SLC44A5: variants seen among roughly 807,000 people sequenced by gnomAD.
SLC44A5 encodes the protein solute carrier family 44 member 5, also known as choline transporter-like protein 5.
SLC44A5 carries 57 observed loss-of-function variants against 101.8 expected under a neutral mutation model. The observed-to-expected ratio is 0.56, with a 90% CI of 0.45 to 0.70. The LOEUF (loss-of-function observed/expected upper bound fraction) is 0.70, where lower values mean the gene tolerates loss of function less well. Among genes scored for constraint, SLC44A5 ranks in the 30% least tolerant of loss-of-function variants. The pLI is 0.00. For missense variants in SLC44A5, 737 were observed against 853.1 expected, an observed-to-expected ratio of 0.86 and a Z score of 1.70; for synonymous variants, 281 against 290.9, an observed-to-expected ratio of 0.97 and a Z score of 0.35.
intron 1 of SLC44A5, among the ~76,000 whole-genome samples, chr1:75,560,460 A>G (rs1210485648): frequency 6.6e-6 from 1 of 152,154 alleles, no homozygotes; most frequent in African/African-American, 2.4e-5. Context: ...ACTGCTAATG[A>G]GTTTTGGGTT....
intron 2 of SLC44A5, among the ~76,000 whole-genome samples, chr1:75,420,838 G>C (rs1858631): frequency 0.098 from 14,958 of 152,054 alleles, 909 homozygotes; most frequent in Admixed American, 0.19. Flanking sequence ...ATTACTCTCT[G>C]TCAAGTGAAA....
At chr1:75,443,783 T>C (rs2101634145) in intron 2 of SLC44A5, among the ~76,000 whole-genome samples, 2 of 151,950 alleles carry the variant, frequency 1.3e-5, no homozygotes, top group Middle Eastern at 6.8e-3. Flanking sequence ...AACTTCAGCC[T>C]TTCCCAATCA....
In SLC44A5 at chr1:75,275,057, A is replaced by G; in HGVS notation, c.176-15T>C. ...ATGTACCCAGGCTGCAGGAACAAGAAAGGACAAATATGCTATCAGCAAAAG... is the reference window on the plus strand; with the variant it reads ...ATGTACCCAGGCTGCAGGAACAAGAGAGGACAAATATGCTATCAGCAAAAG... On this transcript the variant is annotated splice_polypyrimidine_tract_variant and intron_variant, in intron 5 of 23. Transcript: ENST00000370859. 6.2e-7 allele frequency: 1 copy of G among 1,607,692 alleles called. No homozygotes were observed. The highest frequency in any genetic ancestry group is 8.5e-7 in the Non-Finnish European group (1 of 1,175,598).
At chr1:75,660,078 C>T in the SLC44A5 span, among the ~76,000 whole-genome samples, 1 of 151,842 alleles carries the variant, frequency 6.6e-6, no homozygotes, top group African/African-American at 2.4e-5. Context: ...GTGGTGCATG[C>T]CTATAATCCC....
intron 1 of SLC44A5, among the ~76,000 whole-genome samples, chr1:75,564,204 A>G (rs1477226936): frequency 6.6e-6 from 1 of 152,208 alleles, no homozygotes; most frequent in East Asian, 1.9e-4. Context: ...ACTGTAATCT[A>G]CTGTGCTAAA....
intron 3 of SLC44A5, among the ~76,000 whole-genome samples, chr1:75,392,155 A>T (rs1306966723): frequency 6.6e-6 from 1 of 152,148 alleles, no homozygotes; most frequent in African/African-American, 2.4e-5. Flanking sequence ...GTCTCAAAAA[A>T]AAAAATTGAC....
At chr1:75,504,972 G>A (rs969517686) in intron 2 of SLC44A5, among the ~76,000 whole-genome samples, 3 of 152,084 alleles carry the variant, frequency 2.0e-5, no homozygotes, top group Non-Finnish European at 2.9e-5. Context: ...ACCCAATAGA[G>A]TGGTTTTTCA....
At chr1:75,595,921 C>A (rs542017284) in intron 1 of SLC44A5, among the ~76,000 whole-genome samples, 1 of 152,176 alleles carries the variant, frequency 6.6e-6, no homozygotes, top group South Asian at 2.1e-4. Context: ...GATAATTTAG[C>A]ATCACATTCA....
At chr1:75,423,887 T>A (rs963420396) in intron 2 of SLC44A5, among the ~76,000 whole-genome samples, 3 of 152,232 alleles carry the variant, frequency 2.0e-5, no homozygotes, top group Non-Finnish European at 4.4e-5. Context: ...ATTAGTTTCC[T>A]ATGGTTTGTT....
At chr1:75,653,655 T>G in the SLC44A5 span, among the ~76,000 whole-genome samples, 2 of 152,192 alleles carry the variant, frequency 1.3e-5, no homozygotes, top group Non-Finnish European at 2.9e-5. Flanking sequence ...ATCTAAAAGA[T>G]AGTTGCACAG....
the SLC44A5 span, among the ~76,000 whole-genome samples, chr1:75,659,911 A>G: frequency 6.6e-6 from 1 of 152,158 alleles, no homozygotes; most frequent in East Asian, 1.9e-4. Flanking sequence ...GCAAGAACAC[A>G]CATGCAAATC....
At chr1:75,563,530 A>G (rs1025002907) in intron 1 of SLC44A5, among the ~76,000 whole-genome samples, 3 of 152,080 alleles carry the variant, frequency 2.0e-5, no homozygotes, top group South Asian at 2.1e-4. Flanking sequence ...TTATTTTTAC[A>G]TATTATTTTT....
chr1:75,682,945 G>A, the SLC44A5 span, among the ~76,000 whole-genome samples: 1 of 152,112 alleles, frequency 6.6e-6, no homozygotes, highest in Admixed American at 6.6e-5. Context: ...AGTGGGCGAA[G>A]GACATGAATA....
At chr1:75,410,248 C>T (rs558456386) in intron 2 of SLC44A5, among the ~76,000 whole-genome samples, 8 of 152,064 alleles carry the variant, frequency 5.3e-5, no homozygotes, top group Admixed American at 2.6e-4. Flanking sequence ...CATCAGATGA[C>T]GGGTGGCAGG....
chr1:75,337,316 A>T (rs1315788735), intron 4 of SLC44A5, among the ~76,000 whole-genome samples: 2 of 152,330 alleles, frequency 1.3e-5, no homozygotes, highest in East Asian at 3.9e-4. Flanking sequence ...GCTTATCAGT[A>T]GGCTTCCTAC....
intron 2 of SLC44A5, among the ~76,000 whole-genome samples, chr1:75,476,508 G>A (rs1432305640): frequency 6.6e-6 from 1 of 152,174 alleles, no homozygotes; most frequent in African/African-American, 2.4e-5. Flanking sequence ...CAAAGAAAGG[G>A]GTGACAGACG....
intron 2 of SLC44A5, among the ~76,000 whole-genome samples, chr1:75,507,752 A>G (rs1669349610): frequency 6.6e-6 from 1 of 152,152 alleles, no homozygotes; most frequent in Non-Finnish European, 1.5e-5. Flanking sequence ...TGTTCAAGGT[A>G]TCACATTTGT....
chr1:75,583,191 T>C (rs963098465), intron 1 of SLC44A5, among the ~76,000 whole-genome samples: 4 of 152,128 alleles, frequency 2.6e-5, no homozygotes, highest in Non-Finnish European at 4.4e-5. Flanking sequence ...TCCTTTCTTC[T>C]CTCCCTATCC....
intron 3 of SLC44A5, among the ~76,000 whole-genome samples, chr1:75,392,060 G>T (rs1025744119): frequency 3.9e-5 from 6 of 152,110 alleles, no homozygotes; most frequent in Middle Eastern, 3.4e-3. Context: ...AAGATGGAAG[G>T]ATTACTGGAG....
Sources: gnomAD v4.1 joint callset for allele counts (sites outside exome capture counted in the v4.1 genomes callset) on GRCh38, gnomAD v4.1.1 for gene constraint, MANE v1.5 for transcripts, NCBI Gene and HGNC (gene_info 2026-07-23, HGNC 2026-07-21) for gene names.